CWC22: variants seen among roughly 807,000 people sequenced by gnomAD.
CWC22 encodes pre-mRNA-splicing factor CWC22 homolog.
CWC22 carries 53 observed loss-of-function variants against 117.2 expected under a neutral mutation model. The ratio of observed to expected loss-of-function variants is 0.45; its 90% confidence interval spans 0.36 to 0.57. The LOEUF (loss-of-function observed/expected upper bound fraction) is 0.57, where lower values mean the gene tolerates loss of function less well. CWC22 is among the 20% of genes least tolerant of loss of function. The probability of loss-of-function intolerance (pLI) is 0.00; values close to 1 mark genes in which losing one functional copy is unlikely to be tolerated. For synonymous variants in CWC22, 360 were observed against 355.6 expected (o/e 1.01, Z -0.14); for missense variants, 980 against 1,068.8 (o/e 0.92, Z 1.16).
chr2:180,003,366 G>C (rs1388270680), intron 1 of CWC22, among the ~76,000 whole-genome samples: 2 of 152,108 alleles, frequency 1.3e-5, no homozygotes, highest in African/African-American at 4.8e-5. Flanking sequence ...CCTAATTACT[G>C]AATATGCCAT....
At chr2:179,984,890 T>A (rs190729426) in intron 4 of CWC22, among the ~76,000 whole-genome samples, 2 of 152,062 alleles carry the variant, frequency 1.3e-5, no homozygotes, top group South Asian at 2.1e-4. Flanking sequence ...CTGTTTTCCA[T>A]ATAAAGTGCC....
At chr2:179,954,703 G>T (rs955600364) in intron 15 of CWC22, among the ~76,000 whole-genome samples, 1 of 151,982 alleles carries the variant, frequency 6.6e-6, no homozygotes, top group South Asian at 2.1e-4. Flanking sequence ...TTTACTTGTC[G>T]TCTATTGGGA....
chr2:179,947,785 A>G (rs962627301), intron 19 of CWC22, among the ~76,000 whole-genome samples: 1 of 152,256 alleles, frequency 6.6e-6, no homozygotes, highest in Non-Finnish European at 1.5e-5. Flanking sequence ...ACTTTGAAAC[A>G]TAACAAGCTA....
Position 179,964,541 on chromosome 2 carries a change from C to G in CWC22, c.1397+6G>C, listed in dbSNP as rs1331718969. ...AAAAAGGATGAACTGAGATATGATG[C>G]CTTACCTTGACTGAATAGCAAGATA... On this transcript the variant is annotated splice_donor_region_variant and intron_variant, in intron 13 of 19. Coordinates refer to ENST00000410053, the MANE Select transcript of CWC22 (RefSeq NM_020943.3). 2 of 1,505,918 alleles carry G rather than the reference C, an allele frequency of 1.3e-6. No homozygotes were observed. The highest frequency in any genetic ancestry group is 1.8e-6 in the Non-Finnish European group (2 of 1,100,488). The allele number at this position is 1,505,918 out of a possible 1,614,324, so 93.3% of individuals were successfully genotyped here.
intron 2 of CWC22, among the ~76,000 whole-genome samples, chr2:179,990,479 A>C (rs1426530380): frequency 6.6e-6 from 1 of 151,810 alleles, no homozygotes; most frequent in Non-Finnish European, 1.5e-5. Flanking sequence ...CAGGCTTATA[A>C]AGATTTCTAT....
chr2:179,954,126 A>C, intron 16 of CWC22, 79 bp downstream of exon 16: 2 of 1,049,240 alleles, frequency 1.9e-6, no homozygotes, highest in South Asian at 3.9e-5. Context: ...TAATAGGATA[A>C]ATATGGCTAG....
At chr2:179,995,670 A>C (rs572981621) in intron 1 of CWC22, among the ~76,000 whole-genome samples, 2 of 152,334 alleles carry the variant, frequency 1.3e-5, no homozygotes, top group Admixed American at 1.3e-4. Flanking sequence ...TCTTGACAAA[A>C]TATACAACAA....
At chr2:179,994,825 T>C (rs1398012329) in intron 1 of CWC22, among the ~76,000 whole-genome samples, 1 of 152,206 alleles carries the variant, frequency 6.6e-6, no homozygotes, top group African/African-American at 2.4e-5. Flanking sequence ...GCTGGCAAGT[T>C]GTCCCCCAAT....
At chr2:180,006,177 C>T (rs945394121) in intron 1 of CWC22, among the ~76,000 whole-genome samples, 2 of 152,128 alleles carry the variant, frequency 1.3e-5, no homozygotes, top group Admixed American at 6.6e-5. Flanking sequence ...AGTCTCTGCA[C>T]ATCTAAAAAT....
Position 179,986,683 on chromosome 2 carries a change from C to A in CWC22, c.206+12G>T. ...TACAATTTTCTACAAGTTAGAAATT[C>A]CCAACACTAACCGTGACTCCATGCT... On this transcript the variant is annotated intron_variant, in intron 4 of 19. Coordinates refer to ENST00000410053, the MANE Select transcript of CWC22 (RefSeq NM_020943.3). The A allele has an allele frequency of 6.8e-7, 1 of 1,471,226 alleles. No homozygotes were observed. The highest frequency in any genetic ancestry group is 9.4e-7 in the Non-Finnish European group (1 of 1,063,282). The allele number at this position is 1,471,226 out of a possible 1,614,324, so 91.1% of individuals were successfully genotyped here.
At chr2:179,956,670 T>C (rs1686599572) in intron 14 of CWC22, among the ~76,000 whole-genome samples, 1 of 151,270 alleles carries the variant, frequency 6.6e-6, no homozygotes, top group South Asian at 2.1e-4. Flanking sequence ...AATGTGTAAG[T>C]TCTGAAAAGG....
Position 179,945,211 on chromosome 2 carries a change from G to C in CWC22, c.2645C>G (p.Ser882Cys), listed in dbSNP as rs780391220. Residue 882 changes from serine to cysteine, a missense_variant, in exon 20 of 20, where the codon TCT becomes TGT. By Grantham distance (112) the Ser-to-Cys change is moderately radical. Around this residue, in one of 3 missense-constraint regions of CWC22, gnomAD observed 306 missense variants for 296.8 expected, o/e 1.03. Transcript: ENST00000410053. ...TCTGGATTGTTCAGAGTATCTGCTA[G>C]ATTTTTCCCATCGTCTCTCGGCACC... ...QNGAERRWEK[S>C]SRYSEQSRES... 3 of 1,613,734 alleles carry C rather than the reference G, an allele frequency of 1.9e-6. No individual in the cohort carries two copies. The highest frequency in any genetic ancestry group is 4.5e-5 in the East Asian group (2 of 44,856).
chr2:179,951,252 GTATA>G (rs921929160), intron 17 of CWC22, among the ~76,000 whole-genome samples: 3 of 151,486 alleles, frequency 2.0e-5, no homozygotes, highest in Admixed American at 6.6e-5. Context: ...ATACACACAC[GTATA>G]TATAGTGAAT....
At chr2:179,997,598 G>T (rs560791846) in intron 1 of CWC22, among the ~76,000 whole-genome samples, 1 of 152,254 alleles carries the variant, frequency 6.6e-6, no homozygotes, top group South Asian at 2.1e-4. Flanking sequence ...TTTGCTCAAA[G>T]ATATTGGTAT....
At chr2:179,998,641 T>C (rs936975223) in intron 1 of CWC22, among the ~76,000 whole-genome samples, 5 of 152,150 alleles carry the variant, frequency 3.3e-5, no homozygotes, top group African/African-American at 1.2e-4. Context: ...TATCCTAGCC[T>C]AAACTGATCC....
intron 12 of CWC22, among the ~76,000 whole-genome samples, chr2:179,965,231 A>G (rs1686859864): frequency 6.6e-6 from 1 of 152,260 alleles, no homozygotes; most frequent in Non-Finnish European, 1.5e-5. Context: ...GAATTGTACT[A>G]TAAGACAGAG....
At position 179,950,598 on chromosome 2, in the gene CWC22, G is replaced by C. The variant is rs200895740; in HGVS notation, c.2054C>G (p.Ser685Cys). 1.1e-5 allele frequency: 17 copies of C among 1,613,508 alleles called. No individual in the cohort carries two copies. The Admixed American group carries it at 1.5e-4, about 14-fold the overall frequency. ...ACTGCTATCACTGCTGTCAGAATCA[G>C]AGTCGGATGAGTCAGACTCTGAAGA... ...SSSSESDSSD[S>C]DSDSSDSSSE... The change falls in exon 19 of 20, where the codon TCT (serine) becomes TGT (cysteine). Residue 685 changes from serine to cysteine, a missense_variant. Physicochemically the swap from Ser to Cys is moderately radical, Grantham distance 112. Transcript: ENST00000410053.
rs1301861344 is a variant in CWC22, at chr2:179,973,659, C to T, written c.725G>A (p.Arg242Gln). ...LILKRLILNFRKGYRRNDKQL... is the reference protein window; with the variant it reads ...LILKRLILNFQKGYRRNDKQL... ...CTTGTCATTTCTTCGATAGCCTTTT[C>T]GAAAATTAAGAATTAACCTTTTGAG... The change falls in exon 7 of 20, where the codon CGA (arginine) becomes CAA (glutamine). Residue 242 changes from arginine to glutamine, a missense_variant. By Grantham distance (43) the Arg-to-Gln change is conservative (BLOSUM62 1). Coordinates refer to ENST00000410053, the MANE Select transcript of CWC22 (RefSeq NM_020943.3). 3.7e-6 allele frequency: 6 copies of T among 1,606,284 alleles called. No individual in the cohort carries two copies. Among genetic ancestry groups the T allele is most frequent in the South Asian group, 2.2e-5 (2 of 90,096 alleles).
At chr2:179,986,836 A>C in intron 3 of CWC22, 31 bp from the exon 4 acceptor site, 1 of 1,233,870 alleles carries the variant, frequency 8.1e-7, no homozygotes, top group African/African-American at 1.5e-5. Flanking sequence ...CAAGTTGCAA[A>C]TTAAAAACAA....
Sources: gnomAD v4.1 joint callset for allele counts (sites outside exome capture counted in the v4.1 genomes callset) on GRCh38, gnomAD v4.1.1 for gene constraint, gnomAD v4.1.1 regional missense constraint, MANE v1.5 for transcripts, NCBI Gene and HGNC (gene_info 2026-07-23, HGNC 2026-07-21) for gene names.